TRABD2A: variants seen among roughly 807,000 people sequenced by gnomAD.
The protein encoded by TRABD2A is TraB domain containing 2A.
TRABD2A carries 43 observed loss-of-function variants against 45.6 expected under a neutral mutation model. That is an observed-to-expected ratio of 0.94 (90% confidence interval 0.74 to 1.22). TRABD2A has a LOEUF of 1.22. TRABD2A is among the 50% of genes most tolerant of loss of function. The pLI, the probability that TRABD2A is intolerant of heterozygous loss-of-function variation, is 0.00. For synonymous variants in TRABD2A, 269 were observed against 265.0 expected, an observed-to-expected ratio of 1.02 and a Z score of -0.15; for missense variants, 642 against 652.4, an observed-to-expected ratio of 0.98 and a Z score of 0.17.
chr2:84,866,769 A>G (rs1460945598), intron 2 of TRABD2A, among the ~76,000 whole-genome samples: 1 of 151,728 alleles, frequency 6.6e-6, no homozygotes, highest in African/African-American at 2.4e-5. Context: ...TAAAGTTTAG[A>G]GAAGTTAAGT....
intron 2 of TRABD2A, among the ~76,000 whole-genome samples, chr2:84,853,167 G>C (rs1407504124): frequency 6.6e-6 from 1 of 151,992 alleles, no homozygotes; most frequent in Non-Finnish European, 1.5e-5. Context: ...AGAAAGACAG[G>C]CACCCACAGG....
intron 1 of TRABD2A, among the ~76,000 whole-genome samples, chr2:84,876,835 CT>C (rs1683039367): frequency 6.6e-6 from 1 of 152,172 alleles, no homozygotes. Context: ...CCACACTGAC[CT>C]TGTTACATCC....
At chr2:84,877,374 A>G (rs185791410) in intron 1 of TRABD2A, among the ~76,000 whole-genome samples, 2 of 152,288 alleles carry the variant, frequency 1.3e-5, no homozygotes, top group African/African-American at 4.8e-5. Flanking sequence ...TTTTAACATT[A>G]GGGTGGTTTA....
intron 1 of TRABD2A, 68 bp downstream of exon 1, chr2:84,880,864 G>A: frequency 1.9e-6 from 3 of 1,543,772 alleles, no homozygotes; most frequent in Non-Finnish European, 2.6e-6. Context: ...GCTTCGCGGG[G>A]TTCGGAGGGA....
At chr2:84,853,846 T>C (rs1012444756) in intron 2 of TRABD2A, among the ~76,000 whole-genome samples, 1 of 152,004 alleles carries the variant, frequency 6.6e-6, no homozygotes, top group African/African-American at 2.4e-5. Context: ...ATGGTGAAAC[T>C]CCATCTGTAC....
chr2:84,831,885 C>A (rs1219356081), intron 5 of TRABD2A, among the ~76,000 whole-genome samples, 170 bp downstream of exon 5: 1 of 152,178 alleles, frequency 6.6e-6, no homozygotes, highest in Non-Finnish European at 1.5e-5. Flanking sequence ...CAGCCCCAGC[C>A]ACACAGAGCC....
intron 1 of TRABD2A, among the ~76,000 whole-genome samples, chr2:84,873,383 G>A (rs1471017887): frequency 5.9e-5 from 9 of 151,956 alleles, no homozygotes; most frequent in Non-Finnish European, 1.3e-4. Flanking sequence ...TCCCGCCACT[G>A]CACTCCAGCC....
chr2:84,822,003 C>T lies in TRABD2A; in HGVS notation c.1432G>A (p.Val478Met). The T allele has an allele frequency of 6.3e-7, 1 of 1,598,920 alleles. No homozygotes were observed. Among genetic ancestry groups the T allele is most frequent in the Non-Finnish European group, 8.5e-7 (1 of 1,172,974 alleles). The change falls in exon 7 of 7, where the codon GTG becomes ATG. Residue 478 changes from valine to methionine, a missense_variant. Coordinates refer to ENST00000409520, the MANE Select transcript of TRABD2A (RefSeq NM_001277053.2). The part of the protein sequence containing the change: ...RRGHSHHSQM[V>M]ASSACLSLWT... ...AGAGACAGGCAGGCACTGCTGGCCA[C>T]CATCTGGCTGTGGTGGGAATGCCCA... is the stretch of plus-strand genomic sequence containing the variant.
intron 2 of TRABD2A, among the ~76,000 whole-genome samples, chr2:84,844,290 G>A (rs904508417): frequency 3.3e-5 from 5 of 152,154 alleles, no homozygotes; most frequent in South Asian, 2.1e-4. Flanking sequence ...TTCCCATGCC[G>A]TTCTCGTGAT....
chr2:84,845,313 C>T, intron 2 of TRABD2A, among the ~76,000 whole-genome samples: 1 of 152,190 alleles, frequency 6.6e-6, no homozygotes, highest in Non-Finnish European at 1.5e-5. Context: ...GATTGTGCCA[C>T]TGCACTCCAG....
rs1049694783 is a variant in TRABD2A at position 84,830,475 on chromosome 2, G to A, written c.1082+1580C>T. ...AACAACATGAAACCACGGAGGGTTT[G>A]AATATAGGACACTGGAAAGAATAGT... On this transcript the variant is annotated intron_variant, in intron 5 of 6. Transcript: ENST00000409520. This position sits in a 1 kb window ranked among gnomAD's most constrained non-coding sequence, Gnocchi z 4.9. 2.0e-5 allele frequency among the ~76,000 whole-genome samples: 3 copies of A among 152,176 alleles called. No individual in the cohort carries two copies. Among genetic ancestry groups the A allele is most frequent in the Non-Finnish European group, 4.4e-5 (3 of 68,032 alleles).
rs570395054 is a variant in TRABD2A, at chr2:84,848,910, G to A, written c.670-6903C>T. On this transcript the variant is annotated intron_variant, in intron 2 of 6. Coordinates refer to ENST00000409520, the MANE Select transcript of TRABD2A (RefSeq NM_001277053.2). ...TTATAATGTAAGATAAAACAAGCAG[G>A]AAATAAAAAGCCCAAGTCTGGTGAA... is the stretch of plus-strand genomic sequence containing the variant. 3.3e-5 allele frequency among the ~76,000 whole-genome samples: 5 copies of A among 152,154 alleles called. No individual in the cohort carries two copies. The South Asian group carries it at 1.0e-3, about 32-fold the overall frequency.
intron 2 of TRABD2A, among the ~76,000 whole-genome samples, chr2:84,848,332 A>T (rs186476968): frequency 3.7e-4 from 14 of 38,280 alleles, no homozygotes; most frequent in South Asian, 6.3e-4. Context: ...TAAAAATGAT[A>T]GATAGATAGA....
intron 2 of TRABD2A, among the ~76,000 whole-genome samples, chr2:84,867,055 G>A (rs1682704722): frequency 6.6e-6 from 1 of 151,798 alleles, no homozygotes; most frequent in Non-Finnish European, 1.5e-5. Flanking sequence ...GCAACAGAGT[G>A]AGACTCTGTC....
chr2:84,830,036 C>T lies in TRABD2A; in HGVS notation c.1082+2019G>A, dbSNP rs1681282102. Among the ~76,000 whole-genome samples the T allele has an allele frequency of 6.6e-6, 1 of 152,036 alleles. No homozygotes were observed. The highest frequency in any genetic ancestry group is 2.1e-4 in the South Asian group (1 of 4,826). On this transcript the variant is annotated intron_variant, in intron 5 of 6. Coordinates refer to ENST00000409520, the MANE Select transcript of TRABD2A (RefSeq NM_001277053.2). This position sits in a 1 kb window ranked among gnomAD's most constrained non-coding sequence, Gnocchi z 4.9. The stretch of plus-strand genomic sequence containing the variant: ...CTCCACACACATTACACCACACACA[C>T]GTACACACTCCCCAGGTAGGGCCCT...
Position 84,839,177 on chromosome 2 carries a change from G to A in TRABD2A, c.963C>T (p.Asp321=), listed in dbSNP as rs200693523. ...RVKALLEEFP[D]KGFFFAFGAG... ...CTCCAAAGGCAAAGAAGAAGCCTTT[G>A]TCAGGGAACTCCTCCAAAAGGGCCT... The change falls in exon 4 of 7, where the codon GAC becomes GAT. Residue 321 remains aspartate (D), a synonymous_variant. Transcript: ENST00000409520. 3 of 1,613,946 alleles carry A rather than the reference G, an allele frequency of 1.9e-6. No individual in the cohort carries two copies. In the South Asian group the frequency reaches 3.3e-5, roughly 18 times the overall value.
chr2:84,827,197 G>A (rs1681174879), intron 5 of TRABD2A, among the ~76,000 whole-genome samples: 1 of 152,182 alleles, frequency 6.6e-6, no homozygotes, highest in Non-Finnish European at 1.5e-5. Flanking sequence ...TGGTCATTTT[G>A]GCTACAATAT....
chr2:84,838,704 C>A (rs1263254945), intron 4 of TRABD2A, among the ~76,000 whole-genome samples: 2 of 152,160 alleles, frequency 1.3e-5, no homozygotes, highest in Non-Finnish European at 2.9e-5. Context: ...AAATAATTGT[C>A]CTATTCTGTC....
intron 2 of TRABD2A, among the ~76,000 whole-genome samples, chr2:84,852,503 G>T (rs1048982714): frequency 1.3e-5 from 2 of 152,118 alleles, no homozygotes; most frequent in East Asian, 1.9e-4. Context: ...GGGCTGGGGG[G>T]AGGGGTGGCC....
Sources: allele counts gnomAD v4.1 joint callset (sites outside exome capture counted in the v4.1 genomes callset), GRCh38; gene constraint gnomAD v4.1.1; non-coding constraint Gnocchi (gnomAD v3.1); transcripts MANE v1.5; gene names NCBI Gene and HGNC (gene_info 2026-07-23, HGNC 2026-07-21).